Variants in CTNND2 observed in about 807,000 individuals in gnomAD.
CTNND2 encodes catenin delta-2.
In CTNND2, 22 loss-of-function variants were observed where a neutral mutation model predicts 144.4. The ratio of observed to expected loss-of-function variants is 0.15; its 90% CI spans 0.11 to 0.22. The LOEUF (loss-of-function observed/expected upper bound fraction) is 0.22, where lower values mean the gene tolerates loss of function less well. Among genes scored for constraint, CTNND2 ranks in the 10% least tolerant of loss-of-function variants. The pLI, the probability that CTNND2 is intolerant of heterozygous loss-of-function variation, is 1.00. For missense variants in CTNND2, 1,353 were observed against 1,618.8 expected, an observed-to-expected ratio of 0.84 and a Z score of 2.82; for synonymous variants, 751 against 695.6, an observed-to-expected ratio of 1.08 and a Z score of -1.25.
intron 2 of CTNND2, among the ~76,000 whole-genome samples, chr5:11,692,976 C>T (rs1784979095): frequency 6.6e-6 from 1 of 152,210 alleles, no homozygotes; most frequent in Non-Finnish European, 1.5e-5. Flanking sequence ...CTCCCCAAAA[C>T]TCCAGTAAGA....
intron 2 of CTNND2, among the ~76,000 whole-genome samples, chr5:11,612,029 C>A (rs1422196142): frequency 6.6e-6 from 1 of 150,876 alleles, no homozygotes; most frequent in Admixed American, 6.6e-5. Flanking sequence ...ATATTCATTT[C>A]TATTTACAGA....
intron 5 of CTNND2, 131 bp from the exon 6 acceptor site, chr5:11,397,334 G>A: frequency 1.5e-6 from 1 of 682,056 alleles, no homozygotes; most frequent in South Asian, 3.0e-5. Context: ...AAAATTCTGA[G>A]AACTAAAATG....
At chr5:11,144,246 T>TG (rs1757035290) in intron 12 of CTNND2, among the ~76,000 whole-genome samples, 3 of 152,204 alleles carry the variant, frequency 2.0e-5, no homozygotes, top group African/African-American at 7.2e-5. Context: ...TTTGTCTGTT[T>TG]TCATTGTCTT....
chr5:11,330,871 T>C lies in CTNND2; in HGVS notation c.1628+15501A>G, dbSNP rs190883348. 9.8e-4 allele frequency among the ~76,000 whole-genome samples: 149 copies of C among 152,106 alleles called. 1 individual carries two copies. The highest frequency in any genetic ancestry group is 4.8e-3 in the Admixed American group (73 of 15,280). The stretch of plus-strand genomic sequence containing the variant: ...GTGTCTGTGTGTGAGCCTAAGTGTA[T>C]GGACACTGTTTAGCAAACATACGCA... On this transcript the variant is annotated intron_variant, in intron 9 of 21. Transcript: ENST00000304623.
intron 12 of CTNND2, among the ~76,000 whole-genome samples, chr5:11,120,574 AGTAT>A (rs1754021709): frequency 3.3e-5 from 4 of 120,538 alleles, no homozygotes; most frequent in East Asian, 4.8e-4. Flanking sequence ...GATGAGGCTC[AGTAT>A]ACACATAGAC....
At chr5:11,222,302 T>C (rs1465751071) in intron 10 of CTNND2, among the ~76,000 whole-genome samples, 1 of 152,126 alleles carries the variant, frequency 6.6e-6, no homozygotes, top group Non-Finnish European at 1.5e-5. Flanking sequence ...ATCTGAAAAA[T>C]ACCTGCTGCA....
At chr5:11,539,585 G>A (rs954182275) in intron 3 of CTNND2, among the ~76,000 whole-genome samples, 2 of 152,196 alleles carry the variant, frequency 1.3e-5, no homozygotes, top group African/African-American at 4.8e-5. Context: ...CAGTTGCAAG[G>A]ATTCTCTTGT....
chr5:11,799,876 G>GCTA (rs1402079837), intron 1 of CTNND2, among the ~76,000 whole-genome samples: 1 of 152,090 alleles, frequency 6.6e-6, no homozygotes, highest in African/African-American at 2.4e-5. Flanking sequence ...AAAGAGGAAT[G>GCTA]CTAGATTCAG....
chr5:11,739,926 A>G (rs1787900799), intron 1 of CTNND2, among the ~76,000 whole-genome samples: 1 of 152,116 alleles, frequency 6.6e-6, no homozygotes, highest in South Asian at 2.1e-4. Flanking sequence ...TGATGAGTGA[A>G]CTCCCATTCA....
intron 8 of CTNND2, among the ~76,000 whole-genome samples, chr5:11,354,528 T>C (rs1169172049): frequency 6.6e-6 from 1 of 152,244 alleles, no homozygotes; most frequent in African/African-American, 2.4e-5. Flanking sequence ...CATGCTGATC[T>C]TGATCTATTC....
intron 18 of CTNND2, among the ~76,000 whole-genome samples, chr5:11,000,259 A>G (rs991249565): frequency 4.6e-5 from 7 of 152,236 alleles, no homozygotes; most frequent in African/African-American, 1.4e-4. Context: ...GCAGTGGCTC[A>G]CGCCTGTAAT....
chr5:11,653,070 CGTGTGTGTGTGTGTGTGTGTGT>C, intron 2 of CTNND2, among the ~76,000 whole-genome samples: 1 of 143,592 alleles, frequency 7.0e-6, no homozygotes, highest in Non-Finnish European at 1.5e-5. Context: ...GAACAAAATT[CGTGTGTGTGTGTGTGTGTGTGT>C]GTGTGTGTGT....
intron 1 of CTNND2, among the ~76,000 whole-genome samples, chr5:11,801,143 T>C (rs903752996): frequency 2.0e-5 from 3 of 152,250 alleles, no homozygotes; most frequent in African/African-American, 7.2e-5. Context: ...CTTTTGTCGT[T>C]GTTGTTCTGT....
At chr5:11,045,005 T>C (rs1745085057) in intron 16 of CTNND2, among the ~76,000 whole-genome samples, 1 of 152,138 alleles carries the variant, frequency 6.6e-6, no homozygotes, top group Non-Finnish European at 1.5e-5. Flanking sequence ...CAGGGTGACA[T>C]AAAAAATCAG....
At chr5:11,140,123 A>C (rs1051879289) in intron 12 of CTNND2, among the ~76,000 whole-genome samples, 37 of 152,194 alleles carry the variant, frequency 2.4e-4, no homozygotes, top group Admixed American at 2.0e-3. Context: ...ATGTAATTTA[A>C]GGTCTTCACA....
chr5:11,153,916 G>C lies in CTNND2; in HGVS notation c.2159+5660C>G, dbSNP rs181285443. On this transcript the variant is annotated intron_variant, in intron 12 of 21. Transcript: ENST00000304623. ...GACTAAATATAATGCGACTATACAG[G>C]AGTGCAGATCACAGTTGTTTTATTG... Among the ~76,000 whole-genome samples the C allele has an allele frequency of 1.6e-3, 247 of 152,280 alleles. 4 individuals are homozygous for C. Among genetic ancestry groups the C allele is most frequent in the Admixed American group, 0.014 (213 of 15,302 alleles).
chr5:11,022,277 T>C (rs1017270047), intron 17 of CTNND2, among the ~76,000 whole-genome samples: 7 of 152,144 alleles, frequency 4.6e-5, no homozygotes, highest in Non-Finnish European at 8.8e-5. Flanking sequence ...AATTAAATAT[T>C]TGCCCCACAT....
intron 2 of CTNND2, among the ~76,000 whole-genome samples, chr5:11,638,563 CT>C (rs1781830114): frequency 6.6e-6 from 1 of 152,078 alleles, no homozygotes; most frequent in Non-Finnish European, 1.5e-5. Context: ...ACTAGCTATC[CT>C]TATAACTGTA....
intron 2 of CTNND2, among the ~76,000 whole-genome samples, chr5:11,707,450 A>C (rs909633395): frequency 2.0e-5 from 3 of 152,190 alleles, no homozygotes; most frequent in Non-Finnish European, 2.9e-5. Flanking sequence ...TCATGCAAGT[A>C]ATCCAAGTGG....
Sources: gnomAD v4.1 joint callset for allele counts (sites outside exome capture counted in the v4.1 genomes callset) on GRCh38, gnomAD v4.1.1 for gene constraint, MANE v1.5 for transcripts, NCBI Gene and HGNC (gene_info 2026-07-23, HGNC 2026-07-21) for gene names.